Variants in MKNK1 observed in about 807,000 individuals in gnomAD.
MKNK1 encodes the protein MAPK interacting serine/threonine kinase 1.
In MKNK1, 30 loss-of-function variants were observed where a neutral mutation model predicts 49.3. That is an observed-to-expected ratio of 0.61 (90% confidence interval 0.46 to 0.83). The LOEUF is 0.83. Ranked by LOEUF, MKNK1 falls within the 40% of genes least tolerant of loss-of-function variation. MKNK1 has a pLI of 0.00. For synonymous variants in MKNK1, 176 were observed against 201.7 expected (o/e 0.87, Z 1.08); for missense variants, 423 against 524.7 (o/e 0.81, Z 1.89).
chr1:46,583,002 C>G, intron 3 of MKNK1: 3 of 669,198 alleles, frequency 4.5e-6, no homozygotes, highest in Non-Finnish European at 8.2e-6. Flanking sequence ...GTACCTGAGC[C>G]ATTCACAGGA....
chr1:46,591,703 C>G (rs1459329360), intron 2 of MKNK1, among the ~76,000 whole-genome samples: 2 of 152,226 alleles, frequency 1.3e-5, no homozygotes, highest in Non-Finnish European at 2.9e-5. Flanking sequence ...GCACCCAACA[C>G]AGCCATTGTT....
intron 2 of MKNK1, among the ~76,000 whole-genome samples, chr1:46,586,868 G>A (rs1672647392): frequency 6.6e-6 from 1 of 152,202 alleles, no homozygotes; most frequent in Admixed American, 6.5e-5. Flanking sequence ...CTGGAATGCA[G>A]TGGAGTGCAG....
chr1:46,587,572 C>T (rs1672750966), intron 2 of MKNK1, among the ~76,000 whole-genome samples: 1 of 152,176 alleles, frequency 6.6e-6, no homozygotes, highest in Non-Finnish European at 1.5e-5. Context: ...AATCCCAGCA[C>T]TTTGGGAGGC....
Position 46,583,315 on chromosome 1 carries a change from C to T in MKNK1, c.13G>A (p.Glu5Lys), listed in dbSNP as rs766098213. 21 of 1,613,136 alleles carry T rather than the reference C, an allele frequency of 1.3e-5. No individual in the cohort carries two copies. The East Asian group carries it at 1.3e-4, about 10-fold the overall frequency. MGSS[E>K]PLPIADGDRR... ...TCACCATCTGCGATGGGAAGGGGTTCGCTACTGCCCATCTCTAGGAGATAA... is the reference window on the plus strand; with the variant it reads ...TCACCATCTGCGATGGGAAGGGGTTTGCTACTGCCCATCTCTAGGAGATAA... The change falls in exon 3 of 13, where the codon GAA becomes AAA. Residue 5 changes from glutamate to lysine, a missense_variant. Glu to Lys is a moderately conservative substitution (Grantham distance 56). Transcript: ENST00000371945.
chr1:46,575,933 C>T (rs1226777612), intron 5 of MKNK1: 4 of 139,916 alleles, frequency 2.9e-5, no homozygotes, highest in Non-Finnish European at 4.6e-5. Context: ...CTCCAATCCT[C>T]CAAGCTTAAT....
chr1:46,590,385 C>T (rs1673165901), intron 2 of MKNK1, among the ~76,000 whole-genome samples: 1 of 152,216 alleles, frequency 6.6e-6, no homozygotes, highest in South Asian at 2.1e-4. Context: ...CACACACACA[C>T]ATGCTGCTTA....
intron 2 of MKNK1, among the ~76,000 whole-genome samples, chr1:46,591,844 ATT>A (rs2148746388): frequency 6.6e-6 from 1 of 152,266 alleles, no homozygotes. Context: ...GAGCATTTCT[ATT>A]TTGTTACACA....
At chr1:46,571,499 C>T (rs1461520798) in intron 7 of MKNK1, 3 of 421,640 alleles carry the variant, frequency 7.1e-6, no homozygotes, top group Non-Finnish European at 1.4e-5. Flanking sequence ...GCCCTGATGG[C>T]GCCATAGCAC....
Position 46,558,458 on chromosome 1 carries a change from G to T in MKNK1, c.*117C>A. On this transcript the variant is annotated 3_prime_UTR_variant, in exon 13 of 13. Coordinates refer to ENST00000371945, the MANE Select transcript of MKNK1 (RefSeq NM_001135553.4). Reference sequence around the variant, plus strand: ...CCTCAGGGCCTTCGTAGATGAAAAAGCCTGAATGGAGCCACAGAGCAGAGG... The same window carrying T: ...CCTCAGGGCCTTCGTAGATGAAAAATCCTGAATGGAGCCACAGAGCAGAGG... The T allele has an allele frequency of 1.9e-6, 2 of 1,065,788 alleles. No homozygotes were observed. Among genetic ancestry groups the T allele is most frequent in the Non-Finnish European group, 2.6e-6 (2 of 758,860 alleles). The allele number at this position is 1,065,788 out of a possible 1,614,324, so 66.0% of individuals were successfully genotyped here.
rs1335844501 is a variant in MKNK1, at chr1:46,557,935, C to A, written c.*640G>T. On this transcript the variant is annotated 3_prime_UTR_variant, in exon 13 of 13. Transcript: ENST00000371945. ...TACTGACTTTAGCAGCAATCACAAA[C>A]AAAGGGGATGATAAACGAGGGATAC... The A allele has an allele frequency of 3.3e-5, 5 of 152,404 alleles. No homozygotes were observed. Among genetic ancestry groups the A allele is most frequent in the African/African-American group, 1.2e-4 (5 of 41,408 alleles). 9.4% of individuals were successfully genotyped at this position (152,404 alleles called of 1,614,324 possible).
At chr1:46,577,394 T>G (rs1303714106) in intron 4 of MKNK1, among the ~76,000 whole-genome samples, 1 of 152,092 alleles carries the variant, frequency 6.6e-6, no homozygotes, top group Admixed American at 6.6e-5. Flanking sequence ...GGCAGGATAG[T>G]CACTTGAACT....
In MKNK1 at chr1:46,589,942, C is replaced by G. The variant is rs74072640; in HGVS notation, c.-3+4171G>C. On this transcript the variant is annotated intron_variant, in intron 2 of 12. Transcript: ENST00000371945. The surrounding 1 kb of genome is among the most constrained non-coding windows in gnomAD (Gnocchi z 4.3). ...ATGAAACCAGAGATGATCCTCTCCC[C>G]ACTGAGAACCCGACTTTGCTGGCTA... is the stretch of plus-strand genomic sequence containing the variant. Among the ~76,000 whole-genome samples, 1 of 152,194 alleles carries G rather than the reference C, an allele frequency of 6.6e-6. No homozygotes were observed. Among genetic ancestry groups the G allele is most frequent in the Non-Finnish European group, 1.5e-5 (1 of 68,032 alleles).
intron 4 of MKNK1, among the ~76,000 whole-genome samples, chr1:46,578,506 C>A (rs1671293417): frequency 1.3e-5 from 2 of 152,086 alleles, no homozygotes; most frequent in African/African-American, 4.8e-5. Context: ...AAGAAATATA[C>A]CTCTCATCCA....
intron 1 of MKNK1, among the ~76,000 whole-genome samples, chr1:46,603,133 AC>A (rs1198212738): frequency 6.6e-6 from 1 of 152,026 alleles, no homozygotes; most frequent in East Asian, 1.9e-4. Flanking sequence ...TCCATATAAA[AC>A]CCAACCCTGG....
chr1:46,591,591 G>C (rs551582740), intron 2 of MKNK1, among the ~76,000 whole-genome samples: 1 of 152,088 alleles, frequency 6.6e-6, no homozygotes, highest in Non-Finnish European at 1.5e-5. Context: ...GGGGAGCAGC[G>C]TGTAGAAAGC....
intron 1 of MKNK1, among the ~76,000 whole-genome samples, chr1:46,602,764 C>G (rs1008481270): frequency 6.6e-6 from 1 of 152,188 alleles, no homozygotes; most frequent in South Asian, 2.1e-4. Context: ...CACCACTGCT[C>G]TATATAGTAG....
Position 46,558,253 on chromosome 1 carries a change from C to T in MKNK1, c.*322G>A, listed in dbSNP as rs1027724669. 2.4e-5 allele frequency: 7 copies of T among 292,190 alleles called. No individual in the cohort carries two copies. The highest frequency in any genetic ancestry group is 4.7e-5 in the Admixed American group (1 of 21,072). The allele number at this position is 292,190 out of a possible 1,614,324, so 18.1% of individuals were successfully genotyped here. Reference sequence around the variant, plus strand: ...GCAGCCCCAGCCGCCACAGCTACAGCGGTGAGAGCAGGCTGGATCCCAGAT... The same window carrying T: ...GCAGCCCCAGCCGCCACAGCTACAGTGGTGAGAGCAGGCTGGATCCCAGAT... On this transcript the variant is annotated 3_prime_UTR_variant, in exon 13 of 13. Transcript: ENST00000371945.
chr1:46,557,847 G>A lies in MKNK1; in HGVS notation c.*728C>T, dbSNP rs191993198. 2.0e-5 allele frequency: 3 copies of A among 152,306 alleles called. No homozygotes were observed. Among genetic ancestry groups the A allele is most frequent in the East Asian group, 1.9e-4 (1 of 5,192 alleles). 9.4% of individuals were successfully genotyped at this position (152,306 alleles called of 1,614,324 possible). A position where few individuals can be genotyped will look rare whatever the true frequency, so the allele number is the denominator to read the frequency against. ...CATGGGCTTGCAGTGGGAGTTTAAG[G>A]TATCATCTTTGCTGGAACAGCATGG... On this transcript the variant is annotated 3_prime_UTR_variant, in exon 13 of 13. Coordinates refer to ENST00000371945, the MANE Select transcript of MKNK1 (RefSeq NM_001135553.4).
intron 9 of MKNK1, 30 bp from the exon 10 acceptor site, chr1:46,562,873 G>T: frequency 6.4e-7 from 1 of 1,566,716 alleles, no homozygotes; most frequent in Non-Finnish European, 8.7e-7. Context: ...GGGAGGGGGA[G>T]ATGGCAGAGA....
Sources: gnomAD v4.1 joint callset for allele counts (sites outside exome capture counted in the v4.1 genomes callset) on GRCh38, gnomAD v4.1.1 for gene constraint, Gnocchi (gnomAD v3.1) non-coding constraint, MANE v1.5 for transcripts, NCBI Gene and HGNC (gene_info 2026-07-23, HGNC 2026-07-21) for gene names.